The following ADGRB3 variants were observed in gnomAD, a reference collection of about 807,000 sequenced individuals.
ADGRB3 encodes the protein adhesion G protein-coupled receptor B3.
ADGRB3 carries 37 observed loss-of-function variants against 193.4 expected under a neutral mutation model. That is an observed-to-expected ratio of 0.19 (90% CI 0.15 to 0.25). ADGRB3 has a LOEUF of 0.25. Among genes scored for constraint, ADGRB3 ranks in the 10% least tolerant of loss-of-function variants. The pLI, the probability that ADGRB3 is intolerant of heterozygous loss-of-function variation, is 1.00. For synonymous variants in ADGRB3, 690 were observed against 644.2 expected (o/e 1.07, Z -1.08); for missense variants, 1,637 against 1,852.9 (o/e 0.88, Z 2.14).
chr6:69,094,616 G>A (rs1053694785), intron 17 of ADGRB3, among the ~76,000 whole-genome samples: 5 of 152,058 alleles, frequency 3.3e-5, no homozygotes, highest in Non-Finnish European at 7.4e-5. Context: ...ATCAGAAGTC[G>A]GCTTTCATTA....
intron 3 of ADGRB3, among the ~76,000 whole-genome samples, chr6:68,677,476 T>G (rs1769121436): frequency 6.6e-6 from 1 of 151,908 alleles, no homozygotes; most frequent in South Asian, 2.1e-4. Flanking sequence ...CAGAATTTAT[T>G]TATAAATAGT....
chr6:68,814,894 TA>T, intron 3 of ADGRB3, among the ~76,000 whole-genome samples: 1 of 152,264 alleles, frequency 6.6e-6, no homozygotes, highest in African/African-American at 2.4e-5. Flanking sequence ...ACCACATGAT[TA>T]TCTCAATAGA....
chr6:69,006,107 A>C (rs780278231), intron 11 of ADGRB3, among the ~76,000 whole-genome samples: 1 of 150,958 alleles, frequency 6.6e-6, no homozygotes, highest in Non-Finnish European at 1.5e-5. Flanking sequence ...ATTACTTACT[A>C]TTTTTTTTTA....
chr6:68,788,557 G>A (rs1233151848), intron 3 of ADGRB3, among the ~76,000 whole-genome samples: 4 of 152,160 alleles, frequency 2.6e-5, no homozygotes, highest in Non-Finnish European at 5.9e-5. Flanking sequence ...CATTTCCTGA[G>A]GAGTGCTTTA....
intron 23 of ADGRB3, chr6:69,331,584 A>G: frequency 1.0e-6 from 1 of 985,364 alleles, no homozygotes; most frequent in Non-Finnish European, 1.2e-6. Flanking sequence ...ACTGTCTATA[A>G]TTTGCAAGAA....
intron 3 of ADGRB3, among the ~76,000 whole-genome samples, chr6:68,752,553 G>A (rs755352009): frequency 1.3e-5 from 2 of 152,044 alleles, no homozygotes; most frequent in African/African-American, 4.8e-5. Context: ...GATTACAGGC[G>A]CGAGCCACTG....
chr6:68,772,891 AAAAATATATATATATATATATATATAT>A (rs1766658313), intron 3 of ADGRB3, among the ~76,000 whole-genome samples: 4 of 35,880 alleles, frequency 1.1e-4, no homozygotes, highest in African/African-American at 3.4e-4. Context: ...ACAAAAAAAA[AAAAATATATATATATATATATATATAT>A]ATATATATAT....
At chr6:68,807,770 A>G (rs538885323) in intron 3 of ADGRB3, among the ~76,000 whole-genome samples, 39 of 152,092 alleles carry the variant, frequency 2.6e-4, no homozygotes, top group African/African-American at 8.9e-4. Flanking sequence ...TACTTTTCTT[A>G]TTTTTTTCTA....
intron 3 of ADGRB3, among the ~76,000 whole-genome samples, chr6:68,772,878 C>CAAAAA (rs1178852808): frequency 6.4e-5 from 1 of 15,710 alleles, no homozygotes; most frequent in South Asian, 1.9e-3. Flanking sequence ...AACAAACAAA[C>CAAAAA]AAACAAAAAA....
At chr6:69,349,089 T>C (rs1241010450) in intron 26 of ADGRB3, among the ~76,000 whole-genome samples, 1 of 152,238 alleles carries the variant, frequency 6.6e-6, no homozygotes, top group Non-Finnish European at 1.5e-5. Context: ...TTCAAGGTCC[T>C]CTTCTGTGAC....
At chr6:68,657,450 T>A (rs1768517130) in intron 3 of ADGRB3, among the ~76,000 whole-genome samples, 1 of 151,438 alleles carries the variant, frequency 6.6e-6, no homozygotes, top group South Asian at 2.1e-4. Flanking sequence ...TGGAAACGTG[T>A]TAACAGAGCT....
chr6:69,339,730 C>G (rs1037696018), intron 26 of ADGRB3, among the ~76,000 whole-genome samples: 1 of 152,074 alleles, frequency 6.6e-6, no homozygotes, highest in African/African-American at 2.4e-5. Context: ...AGGAAAAACA[C>G]AACCAGAGGT....
At chr6:68,863,471 G>T (rs1421754083) in intron 3 of ADGRB3, among the ~76,000 whole-genome samples, 1 of 151,894 alleles carries the variant, frequency 6.6e-6, no homozygotes, top group Middle Eastern at 3.5e-3. Flanking sequence ...CATTTAGTAT[G>T]ATTTTAATAA....
At chr6:69,164,179 G>C (rs374056099) in intron 17 of ADGRB3, among the ~76,000 whole-genome samples, 77 of 152,048 alleles carry the variant, frequency 5.1e-4, no homozygotes, top group South Asian at 4.6e-3. Context: ...ATGTATATTT[G>C]TCATCACAAG....
At chr6:68,705,244 T>C (rs1271843464) in intron 3 of ADGRB3, among the ~76,000 whole-genome samples, 1 of 152,188 alleles carries the variant, frequency 6.6e-6, no homozygotes, top group African/African-American at 2.4e-5. Flanking sequence ...TGCTTGTATG[T>C]TTTCTCCACT....
At chr6:69,317,995 T>G (rs1410879399) in intron 20 of ADGRB3, among the ~76,000 whole-genome samples, 1 of 151,528 alleles carries the variant, frequency 6.6e-6, no homozygotes, top group African/African-American at 2.4e-5. Context: ...TTTCTAATAG[T>G]TTAAAAATTG....
rs1206711853 is a variant in ADGRB3, at chr6:68,868,655, T to C, written c.758-61904T>C. Among the ~76,000 whole-genome samples the C allele has an allele frequency of 2.0e-5, 3 of 152,348 alleles. No individual in the cohort carries two copies. In the East Asian group the frequency reaches 5.8e-4, roughly 29 times the overall value. On this transcript the variant is annotated intron_variant, in intron 3 of 31. Coordinates refer to ENST00000370598, the MANE Select transcript of ADGRB3 (RefSeq NM_001704.3). ...TTTTGAAGGGAGCATAAAATAATGC[T>C]ATTTATAGATTTTATTTTGGGAAAA...
intron 13 of ADGRB3, among the ~76,000 whole-genome samples, chr6:69,027,270 C>T (rs189851833): frequency 5.3e-5 from 8 of 151,666 alleles, no homozygotes; most frequent in South Asian, 4.2e-4. Context: ...TAGCCTAGGC[C>T]GTACCCAGGG....
At chr6:68,801,044 T>G (rs1767301120) in intron 3 of ADGRB3, among the ~76,000 whole-genome samples, 1 of 152,180 alleles carries the variant, frequency 6.6e-6, no homozygotes, top group South Asian at 2.1e-4. Context: ...ATGTCCAAAT[T>G]TAATTTCTCC....
Sources: allele counts gnomAD v4.1 joint callset (sites outside exome capture counted in the v4.1 genomes callset), GRCh38; gene constraint gnomAD v4.1.1; transcripts MANE v1.5; gene names NCBI Gene and HGNC (gene_info 2026-07-23, HGNC 2026-07-21).